Variants in OR2T6 observed in about 807,000 individuals in gnomAD.
The protein encoded by OR2T6 is olfactory receptor 2T6.
For synonymous variants in OR2T6, 174 were observed against 148.0 expected (o/e 1.18, Z -1.27); for missense variants, 424 against 391.6 (o/e 1.08, Z -0.70).
At position 248,388,259 on chromosome 1, in the gene OR2T6, C is replaced by T. The variant is rs954474; in HGVS notation, c.651C>T (p.Ser217=). Residue 217 remains serine (S), a synonymous_variant, in exon 3 of 3, where the codon TCC becomes TCT. Transcript: ENST00000641644. ...TCCCCTTCTCGGTGGTGACTGCATC[C>T]TACACCAGGATTCTCATCACAGTGC... ...LLIPFSVVTA[S]YTRILITVHQ... 0.18 allele frequency: 288,856 copies of T among 1,607,740 alleles called. 29,664 individuals carry two copies. The highest frequency in any genetic ancestry group is 0.42 in the East Asian group (18,665 of 44,670).
intron 1 of OR2T6, among the ~76,000 whole-genome samples, chr1:248,378,565 G>A (rs893492005): frequency 1.3e-5 from 2 of 151,938 alleles, no homozygotes; most frequent in African/African-American, 2.4e-5. Context: ...GTATTTTGGC[G>A]GGAGACAGCA....
In OR2T6 at chr1:248,388,194, G is replaced by A; in HGVS notation, c.586G>A (p.Glu196Lys). 1 of 1,613,688 alleles carries A rather than the reference G, an allele frequency of 6.2e-7. No individual in the cohort carries two copies. The highest frequency in any genetic ancestry group is 1.1e-5 in the South Asian group (1 of 91,040). ...GGCCTGTGGGGACAAAACCACCTAT[G>A]AAACAGTGATGTATGTGTGCTGCGT... is the stretch of plus-strand genomic sequence containing the variant. ...RLACGDKTTY[E>K]TVMYVCCVAM... is the part of the protein sequence containing the mutation. The change falls in exon 3 of 3, where the codon GAA becomes AAA. Residue 196 changes from glutamate to lysine, a missense_variant. By Grantham distance (56) the Glu-to-Lys change is moderately conservative. Transcript: ENST00000641644.
chr1:248,385,195 G>A (rs1264473145), intron 2 of OR2T6, among the ~76,000 whole-genome samples: 1 of 152,178 alleles, frequency 6.6e-6, no homozygotes, highest in Non-Finnish European at 1.5e-5. Context: ...TTCACGCCAT[G>A]AGAGACCTTG....
intron 1 of OR2T6, among the ~76,000 whole-genome samples, chr1:248,381,112 A>T (rs766907587): frequency 3.3e-5 from 5 of 151,832 alleles, no homozygotes; most frequent in Non-Finnish European, 7.4e-5. Flanking sequence ...CTGTGCTGTT[A>T]TGCCTTTTTT....
chr1:248,381,122 T>C (rs1231140130), intron 1 of OR2T6, among the ~76,000 whole-genome samples: 1 of 151,984 alleles, frequency 6.6e-6, no homozygotes, highest in African/African-American at 2.4e-5. Context: ...ATGCCTTTTT[T>C]TCTTTCATTA....
rs755021117 is a variant in OR2T6 at position 248,387,628 on chromosome 1, C to T, written c.20C>T (p.Thr7Ile). The change falls in exon 3 of 3, where the codon ACC becomes ATC. Residue 7 changes from threonine (T) to isoleucine (I), a missense_variant. By Grantham distance (89) the Thr-to-Ile change is moderately conservative. Coordinates refer to ENST00000641644, the MANE Select transcript of OR2T6 (RefSeq NM_001005471.2). MNENNE[T>I]LTRGFTLMGL... ...AGTACCATGAATGAAAACAATGAAA[C>T]CTTGACCAGAGGCTTTACCCTCATG... The T allele has an allele frequency of 1.2e-5, 19 of 1,588,996 alleles. No individual in the cohort carries two copies. Among genetic ancestry groups the T allele is most frequent in the Non-Finnish European group, 6.9e-6 (8 of 1,161,866 alleles).
intron 1 of OR2T6, among the ~76,000 whole-genome samples, chr1:248,378,365 A>G (rs967537501): frequency 1.3e-5 from 2 of 152,232 alleles, no homozygotes; most frequent in African/African-American, 4.8e-5. Context: ...AAAAGTTTTC[A>G]TAAAGAAATG....
intron 2 of OR2T6, among the ~76,000 whole-genome samples, chr1:248,385,750 G>A (rs542840097): frequency 1.3e-5 from 2 of 152,330 alleles, no homozygotes; most frequent in South Asian, 2.1e-4. Flanking sequence ...GTTTGTGCCT[G>A]TGGTATACAC....
chr1:248,388,610 C>A lies in OR2T6; in HGVS notation c.*75C>A. On this transcript the variant is annotated 3_prime_UTR_variant, in exon 3 of 3. Coordinates refer to ENST00000641644, the MANE Select transcript of OR2T6 (RefSeq NM_001005471.2). ...CATCCTGTTCAGGCATATATGGGGT[C>A]GTATCATGGATACCACGGATGATGC... 8.9e-7 allele frequency: 1 copy of A among 1,128,438 alleles called. No homozygotes were observed. The highest frequency in any genetic ancestry group is 1.6e-5 in the South Asian group (1 of 60,730). 69.9% of individuals were successfully genotyped at this position (1,128,438 alleles called of 1,614,324 possible).
rs1661238121 is a variant in OR2T6, at chr1:248,390,812, A to G, written c.*2277A>G. 1.3e-5 allele frequency: 2 copies of G among 152,220 alleles called. No individual in the cohort carries two copies. Among genetic ancestry groups the G allele is most frequent in the Admixed American group, 6.5e-5 (1 of 15,280 alleles). 9.4% of individuals were successfully genotyped at this position (152,220 alleles called of 1,614,324 possible). ...TCAGTTTCAGCTCCACGTAAACACC[A>G]TGTGAATTTCTGTCAATCATACAAT... On this transcript the variant is annotated 3_prime_UTR_variant, in exon 3 of 3. Transcript: ENST00000641644.
In OR2T6 at chr1:248,388,358, G is replaced by C; in HGVS notation, c.750G>C (p.Leu250Phe). 1 of 1,613,442 alleles carries C rather than the reference G, an allele frequency of 6.2e-7. No individual in the cohort carries two copies. The highest frequency in any genetic ancestry group is 8.5e-7 in the Non-Finnish European group (1 of 1,179,626). Residue 250 changes from leucine to phenylalanine, a missense_variant, in exon 3 of 3, where the codon TTG (leucine) becomes TTC (phenylalanine). Transcript: ENST00000641644. ...TCSSHMMVVT[L>F]FYGAALYTYT... ...CTTCACACATGATGGTGGTGACATTGTTCTATGGGGCTGCCTTGTATACGT... is the reference window on the plus strand; with the variant it reads ...CTTCACACATGATGGTGGTGACATTCTTCTATGGGGCTGCCTTGTATACGT...
chr1:248,379,105 G>A (rs1432871841), intron 1 of OR2T6, among the ~76,000 whole-genome samples: 1 of 152,190 alleles, frequency 6.6e-6, no homozygotes, highest in African/African-American at 2.4e-5. Flanking sequence ...AGCCCAAAAG[G>A]TTGAGGCTAC....
rs765809673 is a variant in OR2T6, at chr1:248,384,789, G to C, written c.-80G>C. The C allele has an allele frequency of 6.6e-6, 1 of 151,570 alleles. No individual in the cohort carries two copies. The highest frequency in any genetic ancestry group is 1.5e-5 in the Non-Finnish European group (1 of 68,054). 9.4% of individuals were successfully genotyped at this position (151,570 alleles called of 1,614,324 possible). A position where few individuals can be genotyped will look rare whatever the true frequency, so the allele number is the denominator to read the frequency against. ...CATTAGATGGAGGATCTGCATTTTGGGTGGACAGTGGACAGAATAAATCTT... is the reference window on the plus strand; with the variant it reads ...CATTAGATGGAGGATCTGCATTTTGCGTGGACAGTGGACAGAATAAATCTT... On this transcript the variant is annotated 5_prime_UTR_variant, in exon 2 of 3. Coordinates refer to ENST00000641644, the MANE Select transcript of OR2T6 (RefSeq NM_001005471.2).
chr1:248,387,739 T>C lies in OR2T6; in HGVS notation c.131T>C (p.Val44Ala), dbSNP rs1265630723. 1 of 1,613,780 alleles carries C rather than the reference T, an allele frequency of 6.2e-7. No individual in the cohort carries two copies. Residue 44 changes from valine (V) to alanine (A), a missense_variant, in exon 3 of 3, where the codon GTC becomes GCC. Transcript: ENST00000641644. ...VFFMAMIANG[V>A]MIFLINIDPH... Reference sequence around the variant, plus strand: ...TTCATGGCCATGATAGCTAATGGGGTCATGATCTTCCTGATTAACATAGAC... The same window carrying C: ...TTCATGGCCATGATAGCTAATGGGGCCATGATCTTCCTGATTAACATAGAC...
At chr1:248,385,482 A>G (rs1366578301) in intron 2 of OR2T6, among the ~76,000 whole-genome samples, 1 of 152,204 alleles carries the variant, frequency 6.6e-6, no homozygotes, top group Non-Finnish European at 1.5e-5. Flanking sequence ...AGGAAATGAC[A>G]GTCTTCTTCC....
Position 248,388,296 on chromosome 1 carries a change from T to C in OR2T6, c.688T>C (p.Ser230Pro), listed in dbSNP as rs1312264130. The change falls in exon 3 of 3, where the codon TCG becomes CCG. Residue 230 changes from serine (S) to proline (P), a missense_variant. Ser to Pro is a moderately conservative substitution (Grantham distance 74, BLOSUM62 -1). Transcript: ENST00000641644. ...RILITVHQMT[S>P]AEGRKKAFAT... ...TCTCATCACAGTGCATCAGATGACA[T>C]CGGCTGAAGGGAGGAAGAAGGCCTT... 3.1e-6 allele frequency: 5 copies of C among 1,613,696 alleles called. No homozygotes were observed. The highest frequency in any genetic ancestry group is 2.2e-5 in the East Asian group (1 of 44,848).
intron 1 of OR2T6, among the ~76,000 whole-genome samples, chr1:248,383,709 T>C (rs1199420354): frequency 1.2e-5 from 1 of 84,014 alleles, no homozygotes; most frequent in Non-Finnish European, 2.1e-5. Flanking sequence ...TATCCTGATG[T>C]GTTTCCTAGT....
rs1460596902 is a variant in OR2T6 at position 248,388,182 on chromosome 1, A to T, written c.574A>T (p.Lys192Ter). The change falls in exon 3 of 3, where the codon AAA becomes TAA. Residue 192 changes from lysine (K) to a stop codon, truncating the protein, a stop_gained. Transcript: ENST00000641644. LOFTEE classifies it low-confidence loss of function (END_TRUNC). ...CATGCTGAGGCTGGCCTGTGGGGAC[A>T]AAACCACCTATGAAACAGTGATGTA... ...PTMLRLACGDKTTYETVMYVC... is the reference protein window; with the variant it reads ...PTMLRLACGD The T allele has an allele frequency of 6.2e-7, 1 of 1,613,732 alleles. No homozygotes were observed. The highest frequency in any genetic ancestry group is 8.5e-7 in the Non-Finnish European group (1 of 1,179,982).
chr1:248,388,071 G>T lies in OR2T6; in HGVS notation c.463G>T (p.Asp155Tyr), dbSNP rs753112631. The stretch of plus-strand genomic sequence containing the variant: ...CAGCTCTTGGTTCGGTGGGGCTTTG[G>T]ACAGTTTTCTCCTCACCCCCATTAC... ...LASSWFGGAL[D>Y]SFLLTPITMS... The change falls in exon 3 of 3, where the codon GAC becomes TAC. Residue 155 changes from aspartate to tyrosine, a missense_variant. By Grantham distance (160) the Asp-to-Tyr change is radical (BLOSUM62 -3). Coordinates refer to ENST00000641644, the MANE Select transcript of OR2T6 (RefSeq NM_001005471.2). The T allele has an allele frequency of 6.2e-7, 1 of 1,614,014 alleles. No homozygotes were observed. The highest frequency in any genetic ancestry group is 1.1e-5 in the South Asian group (1 of 91,062).
Sources: allele counts gnomAD v4.1 joint callset (sites outside exome capture counted in the v4.1 genomes callset), GRCh38; gene constraint gnomAD v4.1.1; transcripts MANE v1.5; gene names NCBI Gene and HGNC (gene_info 2026-07-23, HGNC 2026-07-21).